Variants in AOX1 observed in about 807,000 individuals in gnomAD.
AOX1 encodes aldehyde oxidase 1.
A neutral mutation model predicts 169.5 loss-of-function variants in AOX1; 153 were observed. The ratio of observed to expected loss-of-function variants is 0.90; its 90% CI spans 0.79 to 1.03. AOX1 has a LOEUF of 1.03. Ranked by LOEUF, AOX1 falls within the 50% of genes least tolerant of loss-of-function variation. AOX1 has a pLI of 0.00. For synonymous variants in AOX1, 562 were observed against 581.9 expected, an observed-to-expected ratio of 0.97 and a Z score of 0.49; for missense variants, 1,656 against 1,663.9, an observed-to-expected ratio of 1.00 and a Z score of 0.08.
At chr2:200,650,950 C>G (rs764859004) in intron 25 of AOX1, 24 bp from the exon 26 acceptor site, 15 of 1,609,432 alleles carry the variant, frequency 9.3e-6, no homozygotes, top group Middle Eastern at 1.6e-4. Flanking sequence ...CCCCTCCCAG[C>G]TTTAATCTCC....
In AOX1 at chr2:200,599,693, T is replaced by G; in HGVS notation, c.383T>G (p.Leu128Arg). ...TPGMVMSIYT[L>R]LRNHPEPTLD... The stretch of plus-strand genomic sequence containing the variant: ...GGGATGGTGATGTCCATCTACACGC[T>G]GCTCAGGAACCACCCAGAGCCCACT... Residue 128 changes from leucine (L) to arginine (R), a missense_variant, in exon 5 of 35, where the codon CTG (leucine) becomes CGG (arginine). Leu to Arg is a moderately radical substitution (Grantham distance 102). Transcript: ENST00000374700. The G allele has an allele frequency of 6.2e-7, 1 of 1,613,314 alleles. No individual in the cohort carries two copies. The highest frequency in any genetic ancestry group is 1.3e-5 in the African/African-American group (1 of 75,016).
chr2:200,657,171 T>A lies in AOX1; in HGVS notation c.3171+234T>A, dbSNP rs1419633693. On this transcript the variant is annotated intron_variant, in intron 27 of 34. Coordinates refer to ENST00000374700, the MANE Select transcript of AOX1 (RefSeq NM_001159.4). ...AGATTCCATCTCTACCAAAAATATA[T>A]ATATATATATATATATATATTTTTT... Among the ~76,000 whole-genome samples the A allele has an allele frequency of 2.1e-3, 119 of 55,680 alleles. 3 individuals carry two copies. Among genetic ancestry groups the A allele is most frequent in the East Asian group, 0.019 (14 of 732 alleles). The allele number at this position is 55,680 out of a possible 152,430, so 36.5% of individuals were successfully genotyped here.
intron 26 of AOX1, among the ~76,000 whole-genome samples, chr2:200,653,258 G>A (rs541441803): frequency 6.6e-6 from 1 of 152,332 alleles, no homozygotes; most frequent in East Asian, 1.9e-4. Flanking sequence ...CTGGGAAACT[G>A]ACCAACTTAC....
chr2:200,627,499 C>A (rs540410866), intron 20 of AOX1, 50 bp downstream of exon 20: 2 of 1,301,826 alleles, frequency 1.5e-6, no homozygotes, highest in Non-Finnish European at 2.2e-6. Context: ...CTAAGCATGT[C>A]AGTTTAAGGC....
chr2:200,620,161 C>T (rs896468328), intron 16 of AOX1, among the ~76,000 whole-genome samples: 2 of 149,338 alleles, frequency 1.3e-5, no homozygotes, highest in African/African-American at 4.9e-5. Context: ...TATTGAATTA[C>T]TGTAGTAGGT....
chr2:200,611,524 T>A, intron 13 of AOX1, 31 bp downstream of exon 13: 2 of 1,382,936 alleles, frequency 1.4e-6, no homozygotes, highest in Non-Finnish European at 2.1e-6. Context: ...ATTTCCCAGT[T>A]GCACCTGTGA....
intron 25 of AOX1, among the ~76,000 whole-genome samples, chr2:200,645,651 ATTC>A (rs577556279): frequency 1.2e-3 from 176 of 152,244 alleles, no homozygotes; most frequent in African/African-American, 4.1e-3. Flanking sequence ...ATTGGTACCA[ATTC>A]TTCTTTGAAT....
intron 2 of AOX1, among the ~76,000 whole-genome samples, chr2:200,594,476 G>A (rs1027932747): frequency 1.3e-5 from 2 of 152,160 alleles, no homozygotes; most frequent in South Asian, 2.1e-4. Context: ...GTGTCACAAT[G>A]TTGTTGAGGA....
intron 6 of AOX1, among the ~76,000 whole-genome samples, chr2:200,602,796 T>C (rs2034444037): frequency 6.6e-6 from 1 of 152,142 alleles, no homozygotes; most frequent in Non-Finnish European, 1.5e-5. Context: ...AGTCACCATA[T>C]AGTCATTGAG....
chr2:200,624,062 A>G, intron 19 of AOX1, 79 bp downstream of exon 19: 3 of 1,580,716 alleles, frequency 1.9e-6, no homozygotes, highest in Non-Finnish European at 2.6e-6. Flanking sequence ...CTACTGTAAC[A>G]GGAAAATGTG....
At chr2:200,661,932 G>A (rs2105770458) in intron 30 of AOX1, among the ~76,000 whole-genome samples, 1 of 152,278 alleles carries the variant, frequency 6.6e-6, no homozygotes, top group East Asian at 1.9e-4. Context: ...ATACTCGGCA[G>A]TGGTTGACTT....
chr2:200,668,110 A>AT (rs201768945), intron 32 of AOX1, among the ~76,000 whole-genome samples: 221 of 141,038 alleles, frequency 1.6e-3, no homozygotes, highest in Middle Eastern at 0.011. Context: ...TATTATTATT[A>AT]TTTTTTTTTT....
At chr2:200,593,303 G>T in intron 2 of AOX1, 100 bp downstream of exon 2, 1 of 956,892 alleles carries the variant, frequency 1.0e-6, no homozygotes, top group Non-Finnish European at 1.6e-6. Context: ...GAGACACTGA[G>T]ACATATTCCC....
chr2:200,631,552 C>A (rs868004187), intron 20 of AOX1, among the ~76,000 whole-genome samples: 1 of 152,150 alleles, frequency 6.6e-6, no homozygotes, highest in Non-Finnish European at 1.5e-5. Flanking sequence ...CACTCCTAAA[C>A]CCATACTGGG....
chr2:200,671,171 G>A lies in AOX1; in HGVS notation c.*492G>A, dbSNP rs1007480930. The A allele has an allele frequency of 6.6e-6, 1 of 152,390 alleles. No homozygotes were observed. Among genetic ancestry groups the A allele is most frequent in the African/African-American group, 2.4e-5 (1 of 41,456 alleles). The allele number at this position is 152,390 out of a possible 1,614,324, so 9.4% of individuals were successfully genotyped here. A position where few individuals can be genotyped will look rare whatever the true frequency, so the allele number is the denominator to read the frequency against. On this transcript the variant is annotated 3_prime_UTR_variant, in exon 35 of 35. Coordinates refer to ENST00000374700, the MANE Select transcript of AOX1 (RefSeq NM_001159.4). The stretch of plus-strand genomic sequence containing the variant: ...TCTAAGTGGGACCAAAGAAAAAATA[G>A]CGAACTTTCACCAAAGTTTTCATGA...
rs767431985 is a variant in AOX1 at position 200,602,382 on chromosome 2, C to G, written c.498+37C>G. On this transcript the variant is annotated intron_variant, in intron 6 of 34. Coordinates refer to ENST00000374700, the MANE Select transcript of AOX1 (RefSeq NM_001159.4). ...GGACCACATGTTTGAGTATGTTTTC[C>G]CCAGTGAAACGAAATGGTAATGGTT... 8.9e-6 allele frequency: 14 copies of G among 1,581,848 alleles called. No individual in the cohort carries two copies. The Admixed American group carries it at 2.4e-4, about 27-fold the overall frequency.
chr2:200,675,047 G>C (rs1234447289), downstream of AOX1, among the ~76,000 whole-genome samples: 2 of 152,214 alleles, frequency 1.3e-5, no homozygotes, highest in Non-Finnish European at 2.9e-5. Flanking sequence ...TGTGGAACCT[G>C]CTGGTCACAT....
At chr2:200,645,984 T>G (rs2035446886) in intron 25 of AOX1, among the ~76,000 whole-genome samples, 1 of 152,226 alleles carries the variant, frequency 6.6e-6, no homozygotes, top group Admixed American at 6.5e-5. Context: ...CCTAACGGTC[T>G]ATCAATTTTA....
chr2:200,612,530 A>T, intron 13 of AOX1, 79 bp from the exon 14 acceptor site: 1 of 1,419,104 alleles, frequency 7.0e-7, no homozygotes, highest in East Asian at 2.3e-5. Flanking sequence ...TGTGTAGGTG[A>T]TACTCAAGAC....
Sources: allele counts gnomAD v4.1 joint callset (sites outside exome capture counted in the v4.1 genomes callset), GRCh38; gene constraint gnomAD v4.1.1; transcripts MANE v1.5; gene names NCBI Gene and HGNC (gene_info 2026-07-23, HGNC 2026-07-21).